RBFOX1: variants seen among roughly 807,000 people sequenced by gnomAD.
The protein encoded by RBFOX1 is RNA binding protein fox-1 homolog 1.
In RBFOX1, 8 loss-of-function variants were observed where a neutral mutation model predicts 57.7. That is an observed-to-expected ratio of 0.14 (90% CI 0.08 to 0.25). The LOEUF is 0.25. Among genes scored for constraint, RBFOX1 ranks in the 10% least tolerant of loss-of-function variants. The pLI is 1.00. For missense variants in RBFOX1, 611 were observed against 548.5 expected (o/e 1.11, Z -1.14); for synonymous variants, 326 against 222.4 (o/e 1.47, Z -4.15).
upstream of RBFOX1, among the ~76,000 whole-genome samples, chr16:6,015,796 C>T (rs1328701189): frequency 6.6e-6 from 1 of 152,218 alleles, no homozygotes; most frequent in Non-Finnish European, 1.5e-5. Flanking sequence ...CCATATCTGG[C>T]TATAGGCTCC....
intron 3 of RBFOX1, among the ~76,000 whole-genome samples, chr16:6,794,118 G>C (rs2083477063): frequency 1.3e-5 from 2 of 152,052 alleles, no homozygotes; most frequent in Admixed American, 6.6e-5. Context: ...ATGGGATGAG[G>C]TGTACTGTTA....
intron 3 of RBFOX1, among the ~76,000 whole-genome samples, chr16:6,833,731 A>G (rs1398219378): frequency 6.6e-6 from 1 of 152,218 alleles, no homozygotes; most frequent in East Asian, 1.9e-4. Flanking sequence ...GCTATGGAAT[A>G]TTAAAACAAA....
chr16:6,767,326 G>A (rs150669398), intron 3 of RBFOX1, among the ~76,000 whole-genome samples: 1,864 of 152,146 alleles, frequency 0.012, 44 homozygotes, highest in African/African-American at 0.042. Context: ...AACACATTGA[G>A]CCTGAAATTG....
In RBFOX1 at chr16:6,639,051, C is replaced by T. The variant is rs531894352; in HGVS notation, c.-63-15552C>T. On this transcript the variant is annotated intron_variant, in intron 2 of 15. Coordinates refer to ENST00000550418, the MANE Select transcript of RBFOX1 (RefSeq NM_018723.4). ...GGAGACCTGTGGCCCCACCCAGCCA[C>T]CTACAAAGCTTAGCCATCGTTTCAC... 3.1e-3 allele frequency among the ~76,000 whole-genome samples: 474 copies of T among 152,326 alleles called. 3 individuals are homozygous for T. The highest frequency in any genetic ancestry group is 5.0e-3 in the Non-Finnish European group (340 of 68,032).
At chr16:7,540,958 G>A (rs1020068525) in intron 5 of RBFOX1, among the ~76,000 whole-genome samples, 12 of 152,096 alleles carry the variant, frequency 7.9e-5, no homozygotes, top group Non-Finnish European at 1.2e-4. Context: ...GATGACCCTG[G>A]TTAATTCAGT....
At chr16:7,099,782 G>T (rs1162633158) in intron 4 of RBFOX1, among the ~76,000 whole-genome samples, 4 of 152,152 alleles carry the variant, frequency 2.6e-5, no homozygotes, top group African/African-American at 9.7e-5. Flanking sequence ...ATGGGCAAGT[G>T]GTTCGTAGAG....
At chr16:6,655,098 G>T (rs1306213802) in intron 3 of RBFOX1, among the ~76,000 whole-genome samples, 1 of 151,748 alleles carries the variant, frequency 6.6e-6, no homozygotes, top group East Asian at 1.9e-4. Context: ...TCACGGCCAG[G>T]TGTGGTGGCT....
rs141498127 is a variant in RBFOX1, at chr16:5,772,225, G to A, written c.319-95078G>A. 2.0e-5 allele frequency among the ~76,000 whole-genome samples: 3 copies of A among 152,250 alleles called. No homozygotes were observed. The East Asian group carries it at 5.8e-4, about 29-fold the overall frequency. On this transcript the variant is annotated intron_variant, in intron 3 of 19. Transcript: ENST00000641259. ...AGAATAACAATAGTGAATTTATGGG[G>A]CAGAGACTCACCGGTTGCCGGAAGA...
chr16:6,821,564 C>T (rs12924518), intron 3 of RBFOX1, among the ~76,000 whole-genome samples: 10,095 of 152,054 alleles, frequency 0.066, 494 homozygotes, highest in Non-Finnish European at 0.11. Flanking sequence ...CTCTCTCCCC[C>T]CAACCGCTGG....
intron 2 of RBFOX1, among the ~76,000 whole-genome samples, chr16:6,534,911 C>T (rs1391513289): frequency 6.6e-6 from 1 of 152,116 alleles, no homozygotes; most frequent in Non-Finnish European, 1.5e-5. Context: ...GTGGTCAAGC[C>T]TGGTCATATG....
chr16:6,815,555 A>G (rs190077296), intron 3 of RBFOX1, among the ~76,000 whole-genome samples: 2 of 152,326 alleles, frequency 1.3e-5, no homozygotes, highest in African/African-American at 2.4e-5. Flanking sequence ...GCCAGTCTCT[A>G]TCCATACAGT....
At chr16:7,015,205 C>T (rs910623077) in intron 3 of RBFOX1, among the ~76,000 whole-genome samples, 4 of 152,102 alleles carry the variant, frequency 2.6e-5, no homozygotes, top group African/African-American at 9.7e-5. Flanking sequence ...CAGATGCATC[C>T]AGTGGCATTG....
At chr16:5,517,376 C>G (rs777872386) in intron 2 of RBFOX1, among the ~76,000 whole-genome samples, 1 of 152,228 alleles carries the variant, frequency 6.6e-6, no homozygotes, top group Non-Finnish European at 1.5e-5. Context: ...CCTGTTTACT[C>G]ATCTACCCTT....
At chr16:6,764,650 G>T (rs2077075281) in intron 3 of RBFOX1, among the ~76,000 whole-genome samples, 1 of 152,178 alleles carries the variant, frequency 6.6e-6, no homozygotes, top group African/African-American at 2.4e-5. Context: ...AAGAGTAAAT[G>T]CATGGGCTGG....
intron 2 of RBFOX1, among the ~76,000 whole-genome samples, chr16:5,592,250 G>C (rs1388343978): frequency 6.6e-6 from 1 of 151,958 alleles, no homozygotes; most frequent in Non-Finnish European, 1.5e-5. Flanking sequence ...TCTTTGTTCA[G>C]TGGGTTTTAA....
intron 11 of RBFOX1, among the ~76,000 whole-genome samples, chr16:7,636,495 T>A (rs1371952883): frequency 1.3e-5 from 2 of 152,262 alleles, no homozygotes; most frequent in South Asian, 2.1e-4. Flanking sequence ...GTTACACGTG[T>A]ATTTCCTGTT....
Position 5,834,722 on chromosome 16 carries a change from GATAC to G in RBFOX1, c.319-32577_319-32574del, listed in dbSNP as rs1555541469. 7.7e-3 allele frequency among the ~76,000 whole-genome samples: 1,031 copies of G among 133,580 alleles called. 22 individuals carry two copies. Among genetic ancestry groups the G allele is most frequent in the African/African-American group, 0.03 (982 of 32,342 alleles). 87.6% of individuals were successfully genotyped at this position (133,580 alleles called of 152,430 possible). On this transcript the variant is annotated intron_variant, in intron 3 of 19. Transcript: ENST00000641259. ...AGATAGATAGATAGATAGATACATA[GATAC>G]ATAGATACATACATACATACATACA...
intron 3 of RBFOX1, among the ~76,000 whole-genome samples, chr16:7,031,831 T>C (rs1409270144): frequency 6.6e-6 from 1 of 152,160 alleles, no homozygotes; most frequent in Non-Finnish European, 1.5e-5. Flanking sequence ...TAAGCCAACG[T>C]GGTCCTTGCT....
intron 2 of RBFOX1, among the ~76,000 whole-genome samples, chr16:6,391,532 A>T (rs1233562818): frequency 6.6e-6 from 1 of 152,052 alleles, no homozygotes; most frequent in Non-Finnish European, 1.5e-5. Flanking sequence ...AAAGAAAAAA[A>T]AGTATCATGA....
Sources: gnomAD v4.1 joint callset for allele counts (sites outside exome capture counted in the v4.1 genomes callset) on GRCh38, gnomAD v4.1.1 for gene constraint, MANE v1.5 for transcripts, NCBI Gene and HGNC (gene_info 2026-07-23, HGNC 2026-07-21) for gene names.